The following ATP7A variants were observed in gnomAD, a reference collection of about 807,000 sequenced individuals.
ATP7A encodes the protein ATPase copper transporting alpha, also known as copper-transporting ATPase 1.
In ATP7A, 7 loss-of-function variants were observed where a neutral mutation model predicts 83.5. The ratio of observed to expected loss-of-function variants is 0.08; its 90% CI spans 0.05 to 0.16. The LOEUF is 0.16. ATP7A is among the 10% of genes least tolerant of loss of function. ATP7A has a pLI of 1.00. For missense variants in ATP7A, 940 were observed against 1,120.8 expected, an observed-to-expected ratio of 0.84 and a Z score of 2.30; for synonymous variants, 354 against 395.2, an observed-to-expected ratio of 0.90 and a Z score of 1.24.
chrX:78,024,917 T>C (rs1474304688), intron 14 of ATP7A, among the ~76,000 whole-genome samples: 1 of 111,380 alleles, frequency 9.0e-6, no homozygotes, highest in Admixed American at 9.5e-5. Context: ...CTACCTGCTG[T>C]CTCTTACTCT....
chrX:77,945,787 C>G (rs1410389116), intron 1 of ATP7A, among the ~76,000 whole-genome samples: 1 of 110,959 alleles, frequency 9.0e-6, no homozygotes, highest in Non-Finnish European at 1.9e-5. Flanking sequence ...AAGTTTTTTT[C>G]AAGAATAAAA....
At chrX:77,979,266 T>C (rs1225209967) in intron 2 of ATP7A, among the ~76,000 whole-genome samples, 2 of 111,960 alleles carry the variant, frequency 1.8e-5, no homozygotes, top group Middle Eastern at 8.3e-3. Context: ...AAGTGTGAAT[T>C]CACCTCTTTC....
rs200579535 is a variant in ATP7A at position 78,046,870 on chromosome X, AT to A, written c.*310del. On this transcript the variant is annotated 3_prime_UTR_variant, in exon 23 of 23. Coordinates refer to ENST00000341514, the MANE Select transcript of ATP7A (RefSeq NM_000052.7). ...AGATTGCTGAACTGCTGCTAAAGTG[AT>A]TTTTTTTTTATTTGACCAAAAAAAA... The A allele has an allele frequency of 0.01, 1,735 of 165,642 alleles. 9 individuals are homozygous for A. Among genetic ancestry groups the A allele is most frequent in the African/African-American group, 0.033 (910 of 27,369 alleles). The allele number at this position is 165,642 out of a possible 1,213,427, so 13.7% of individuals were successfully genotyped here. A position where few individuals can be genotyped will look rare whatever the true frequency, so the allele number is the denominator to read the frequency against.
chrX:77,910,721 G>GC lies in ATP7A; in HGVS notation c.-135dup, dbSNP rs1463103256. On this transcript the variant is annotated 5_prime_UTR_variant, in exon 1 of 23. Transcript: ENST00000341514. ...AGTTGTTGCTGCCGCCGCCGCAGCC[G>GC]CAGCTACTGTGACTTCTCCGATTGT... 1 of 112,379 alleles carries GC rather than the reference G, an allele frequency of 8.9e-6. No individual in the cohort carries two copies. Among genetic ancestry groups the GC allele is most frequent in the African/African-American group, 3.2e-5 (1 of 30,932 alleles). 9.3% of individuals were successfully genotyped at this position (112,379 alleles called of 1,213,427 possible).
At chrX:77,985,960 C>G (rs782112404) in intron 2 of ATP7A, among the ~76,000 whole-genome samples, 6 of 111,665 alleles carry the variant, frequency 5.4e-5, no homozygotes, top group South Asian at 3.7e-4. Context: ...TTAAAAGAGG[C>G]CTTCTTTAAA....
At chrX:77,938,948 T>C (rs2059175402) in intron 1 of ATP7A, among the ~76,000 whole-genome samples, 1 of 112,186 alleles carries the variant, frequency 8.9e-6, no homozygotes, top group African/African-American at 3.2e-5. Context: ...CTACTGAATA[T>C]ATGGAATATT....
At chrX:78,017,062 C>T (rs1437751089) in intron 12 of ATP7A, among the ~76,000 whole-genome samples, 3 of 112,740 alleles carry the variant, frequency 2.7e-5, no homozygotes, top group African/African-American at 9.7e-5. Flanking sequence ...TTCTCCCCTG[C>T]AGCAGACTTC....
At chrX:78,039,887 A>G (rs1157935044) in intron 18 of ATP7A, among the ~76,000 whole-genome samples, 1 of 111,932 alleles carries the variant, frequency 8.9e-6, no homozygotes, top group Non-Finnish European at 1.9e-5. Flanking sequence ...TACACACTAT[A>G]ATCATTCCCC....
intron 17 of ATP7A, among the ~76,000 whole-genome samples, chrX:78,037,949 G>T (rs1053738669): frequency 1.4e-4 from 14 of 102,097 alleles, no homozygotes; most frequent in Non-Finnish European, 2.8e-4. Context: ...GATAAATGTG[G>T]TAGCTAGAGA....
chrX:78,046,909 A>G lies in ATP7A; in HGVS notation c.*339A>G, dbSNP rs2078087118. ...TGACCAAAAAAAAAAAGGCCCAAGA[A>G]GAAGAAAATGAAAAATTTGAAGATT... is the stretch of plus-strand genomic sequence containing the variant. On this transcript the variant is annotated 3_prime_UTR_variant, in exon 23 of 23. Transcript: ENST00000341514. 1.0e-5 allele frequency: 2 copies of G among 191,843 alleles called. No homozygotes were observed. The highest frequency in any genetic ancestry group is 3.1e-5 in the African/African-American group (1 of 32,443). 15.8% of individuals were successfully genotyped at this position (191,843 alleles called of 1,213,427 possible).
intron 7 of ATP7A, among the ~76,000 whole-genome samples, chrX:78,010,911 C>G (rs1433480038): frequency 9.0e-6 from 1 of 110,708 alleles, no homozygotes; most frequent in East Asian, 2.8e-4. Flanking sequence ...TTAATGAGAA[C>G]CTCTACTGAG....
intron 4 of ATP7A, among the ~76,000 whole-genome samples, chrX:77,995,894 C>T (rs1356876649): frequency 1.8e-5 from 2 of 111,002 alleles, no homozygotes; most frequent in Non-Finnish European, 3.8e-5. Context: ...CAGGCTCACG[C>T]CACCATGCCC....
chrX:78,005,720 G>GA (rs1243694604), intron 6 of ATP7A, among the ~76,000 whole-genome samples: 1 of 79,544 alleles, frequency 1.3e-5, no homozygotes, highest in Non-Finnish European at 2.5e-5. Flanking sequence ...AAAAAAAGAA[G>GA]AAAAAAACAA....
At chrX:77,932,677 C>A (rs2077295021) in intron 1 of ATP7A, among the ~76,000 whole-genome samples, 1 of 112,981 alleles carries the variant, frequency 8.9e-6, no homozygotes, top group African/African-American at 3.2e-5. Context: ...CCGAGGCTGG[C>A]AGATCACTCG....
intron 12 of ATP7A, among the ~76,000 whole-genome samples, chrX:78,017,513 A>G (rs1557235288): frequency 1.8e-5 from 2 of 111,868 alleles, no homozygotes; most frequent in Non-Finnish European, 3.8e-5. Flanking sequence ...TTTCTTTTCT[A>G]TTGCATTGTC....
intron 1 of ATP7A, among the ~76,000 whole-genome samples, chrX:77,931,009 C>CTTTTTT (rs11379657): frequency 1.0e-4 from 7 of 67,259 alleles, no homozygotes; most frequent in Non-Finnish European, 1.3e-4. Context: ...TTTTTTTTAC[C>CTTTTTT]TTTTTTTTTA....
intron 1 of ATP7A, among the ~76,000 whole-genome samples, chrX:77,966,564 A>G (rs782243729): frequency 3.6e-5 from 4 of 112,176 alleles, no homozygotes; most frequent in Non-Finnish European, 7.5e-5. Flanking sequence ...ATCAATTTAT[A>G]TGAAATGGCC....
At chrX:77,922,428 A>C (rs891478311) in intron 1 of ATP7A, among the ~76,000 whole-genome samples, 4 of 110,889 alleles carry the variant, frequency 3.6e-5, no homozygotes, top group African/African-American at 1.3e-4. Flanking sequence ...GCTTGAGCCT[A>C]GGAAGTCGAG....
intron 1 of ATP7A, among the ~76,000 whole-genome samples, chrX:77,962,121 A>G (rs1461586401): frequency 9.0e-6 from 1 of 111,711 alleles, no homozygotes; most frequent in Non-Finnish European, 1.9e-5. Flanking sequence ...ACAAAAGGAC[A>G]CTATCAAGAG....
Sources: gnomAD v4.1 joint callset for allele counts (sites outside exome capture counted in the v4.1 genomes callset) on GRCh38, gnomAD v4.1.1 for gene constraint, MANE v1.5 for transcripts, NCBI Gene and HGNC (gene_info 2026-07-23, HGNC 2026-07-21) for gene names.